Variants in ABCA7 observed in about 807,000 individuals in gnomAD.
ABCA7 encodes the protein ATP binding cassette subfamily A member 7.
A neutral mutation model predicts 227.6 loss-of-function variants in ABCA7; 261 were observed. The observed-to-expected ratio is 1.15, with a 90% CI of 1.04 to 1.27. The LOEUF is 1.27. Ranked by LOEUF, ABCA7 falls within the 50% of genes most tolerant of loss-of-function variation. ABCA7 has a pLI of 0.00. For missense variants in ABCA7, 3,331 were observed against 2,924.5 expected (o/e 1.14, Z -3.21); for synonymous variants, 1,488 against 1,279.7 (o/e 1.16, Z -3.47).
chr19:1,041,868 C>T lies in ABCA7; in HGVS notation c.198C>T (p.Thr66=), dbSNP rs756548806. 2.4e-5 allele frequency: 39 copies of T among 1,597,434 alleles called. No homozygotes were observed. The highest frequency in any genetic ancestry group is 3.1e-5 in the Non-Finnish European group (37 of 1,176,818). Residue 66 remains threonine (T), a synonymous_variant, in exon 4 of 47, where the codon ACC becomes ACT. Transcript: ENST00000263094. ...ACAAGCCACTGCCATCGGCGGGCAC[C>T]GTGCCCTGGCTCCAGGGTCTCATCT... ...FPNKPLPSAG[T]VPWLQGLICN...
At chr19:1,044,441 T>G (rs2066336726) in intron 10 of ABCA7, 136 bp from the exon 11 acceptor site, 1 of 1,007,754 alleles carries the variant, frequency 9.9e-7, no homozygotes. Context: ...AGAGATGGGC[T>G]TTCACCATGT....
rs758967350 is a variant in ABCA7, at chr19:1,055,338, C to T, written c.4192C>T (p.Leu1398=). Residue 1398 remains leucine (L), a synonymous_variant, in exon 30 of 47, where the codon CTG becomes TTG. Coordinates refer to ENST00000263094, the MANE Select transcript of ABCA7 (RefSeq NM_019112.4). ...SDFLVKTYPR[L]VRQGLKTKKW... The stretch of plus-strand genomic sequence containing the variant: ...CTTCCTGGTCAAGACCTACCCGCGC[C>T]TGGTGCGCCAGGGGTGAGCCATGCC... 4.4e-6 allele frequency: 7 copies of T among 1,589,292 alleles called. No individual in the cohort carries two copies. The highest frequency in any genetic ancestry group is 3.4e-5 in the Admixed American group (2 of 59,162).
intron 44 of ABCA7, 41 bp from the exon 45 acceptor site, chr19:1,064,120 G>A (rs1568430543): frequency 6.6e-7 from 1 of 1,512,024 alleles, no homozygotes; most frequent in Admixed American, 2.1e-5. Flanking sequence ...AGGCACAGGT[G>A]GCCCCGGCCT....
chr19:1,057,920 C>T lies in ABCA7; in HGVS notation c.4886C>T (p.Ser1629Leu), dbSNP rs184590335. 3.5e-4 allele frequency: 568 copies of T among 1,614,006 alleles called. 2 individuals carry two copies. In the Admixed American group the frequency reaches 8.5e-3, roughly 24 times the overall value. Reference protein sequence around the residue: ...LLLLLLLYGWSITPLMYPASF... With the variant: ...LLLLLLLYGWLITPLMYPASF... ...GACTCCTATTGTCCCTTCAGCTGGT[C>T]GATCACACCGCTCATGTACCCAGCC... The change falls in exon 36 of 47, where the codon TCG becomes TTG. Residue 1629 changes from serine to leucine, a missense_variant. Physicochemically the swap from Ser to Leu is moderately radical, Grantham distance 145 (BLOSUM62 -2). Coordinates refer to ENST00000263094, the MANE Select transcript of ABCA7 (RefSeq NM_019112.4).
rs746504529 is a variant in ABCA7, at chr19:1,051,521, C to G, written c.2897C>G (p.Pro966Arg). 2.5e-6 allele frequency: 4 copies of G among 1,612,570 alleles called. No homozygotes were observed. In the South Asian group the frequency reaches 4.4e-5, roughly 18 times the overall value. The change falls in exon 21 of 47, where the codon CCT (proline) becomes CGT (arginine). Residue 966 changes from proline to arginine, a missense_variant. Transcript: ENST00000263094. ...TCCCAAGTTGTTATCCTGGACGAGC[C>G]TACGGCTGGCGTGGATCCTGCTTCC... ...GGSQVVILDE[P>R]TAGVDPASRR... is the part of the protein sequence containing the mutation.
At chr19:1,051,423 T>C in intron 20 of ABCA7, 26 bp from the exon 21 acceptor site, 2 of 1,417,186 alleles carry the variant, frequency 1.4e-6, no homozygotes, top group Non-Finnish European at 9.5e-7. Context: ...TGTGACACAC[T>C]GAGGTCCCTT....
chr19:1,055,127 G>C lies in ABCA7; in HGVS notation c.3981G>C (p.Val1327=). The C allele has an allele frequency of 6.2e-7, 1 of 1,612,908 alleles. No homozygotes were observed. The highest frequency in any genetic ancestry group is 1.1e-5 in the South Asian group (1 of 91,076). ...CGGCACCAGAAGTTCCTGCTGAAGT[G>C]GCCAAGGTCTTGGCCAGTGGCAACT... The part of the protein sequence containing the change: ...RFSAPEVPAE[V]AKVLASGNWT... The change falls in exon 30 of 47, where the codon GTG becomes GTC. Residue 1327 remains valine, a synonymous_variant. Coordinates refer to ENST00000263094, the MANE Select transcript of ABCA7 (RefSeq NM_019112.4).
chr19:1,050,261 T>C (rs530111983), intron 18 of ABCA7, among the ~76,000 whole-genome samples: 3 of 151,348 alleles, frequency 2.0e-5, no homozygotes, highest in African/African-American at 7.3e-5. Flanking sequence ...ATACAAAAAT[T>C]AGCCGGGTGT....
In ABCA7 at chr19:1,041,931, G is replaced by C. The variant is rs140142327; in HGVS notation, c.261G>C (p.Pro87=). Residue 87 remains proline (P), a synonymous_variant, in exon 4 of 47, where the codon CCG becomes CCC. Transcript: ENST00000263094. ...VNNTCFPQLT[P]GEEPGRLSNF... ...ACACCTGCTTTCCGCAGCTGACACC[G>C]GGCGAGGAGCCCGGGCGCCTGAGCA... The C allele has an allele frequency of 6.3e-7, 1 of 1,596,678 alleles. No homozygotes were observed. Among genetic ancestry groups the C allele is most frequent in the African/African-American group, 1.3e-5 (1 of 74,522 alleles).
chr19:1,051,015 C>T lies in ABCA7; in HGVS notation c.2647C>T (p.Leu883=). ...CAGCATGGCCGCCATCCGGCCCCAC[C>T]TGGGCGTCTGTCCTCAGTACAACGT... is the stretch of plus-strand genomic sequence containing the variant. ...RSSMAAIRPH[L]GVCPQYNVLF... is the part of the protein sequence containing the mutation. The change falls in exon 19 of 47, where the codon CTG becomes TTG. Residue 883 remains leucine (L), a synonymous_variant. Transcript: ENST00000263094. The T allele has an allele frequency of 6.2e-7, 1 of 1,612,276 alleles. No homozygotes were observed. Among genetic ancestry groups the T allele is most frequent in the South Asian group, 1.1e-5 (1 of 91,016 alleles).
intron 12 of ABCA7, among the ~76,000 whole-genome samples, chr19:1,045,887 G>A (rs1407367076): frequency 1.3e-5 from 2 of 152,174 alleles, no homozygotes; most frequent in African/African-American, 2.4e-5. Context: ...CGCGCCTGTA[G>A]GCCCAGCTAC....
Position 1,051,139 on chromosome 19 carries a change from T to G in ABCA7, c.2685-16T>G. The G allele has an allele frequency of 1.5e-6, 2 of 1,310,586 alleles. No homozygotes were observed. The highest frequency in any genetic ancestry group is 2.1e-6 in the Non-Finnish European group (2 of 932,586). 81.2% of individuals were successfully genotyped at this position (1,310,586 alleles called of 1,614,324 possible). On this transcript the variant is annotated splice_polypyrimidine_tract_variant and intron_variant, in intron 19 of 46. Transcript: ENST00000263094. ...GCCTGCCATGTGGGTCACTCTGCTCTGTGCACTGGCCGCAGGCTGACCGTG... is the reference window on the plus strand; with the variant it reads ...GCCTGCCATGTGGGTCACTCTGCTCGGTGCACTGGCCGCAGGCTGACCGTG...
rs751307496 is a variant in ABCA7, at chr19:1,047,444, T to C, written c.2068-9T>C. The C allele has an allele frequency of 3.2e-6, 5 of 1,540,910 alleles. No homozygotes were observed. Among genetic ancestry groups the C allele is most frequent in the Non-Finnish European group, 4.4e-6 (5 of 1,146,064 alleles). The stretch of plus-strand genomic sequence containing the variant: ...TTCGGCCGCTCACTGACCGCCCGCT[T>C]TTCCGCAGAGCCTGCTGTCGCCCGT... On this transcript the variant is annotated splice_polypyrimidine_tract_variant and intron_variant, in intron 15 of 46. Coordinates refer to ENST00000263094, the MANE Select transcript of ABCA7 (RefSeq NM_019112.4).
intron 21 of ABCA7, 38 bp downstream of exon 21, chr19:1,051,624 G>C (rs765169225): frequency 6.3e-7 from 1 of 1,585,402 alleles, no homozygotes; most frequent in Non-Finnish European, 8.6e-7. Flanking sequence ...GCCAGAAAAG[G>C]CTTCTGACAA....
Position 1,053,439 on chromosome 19 carries a change from G to A in ABCA7, c.3331G>A (p.Gly1111Ser), listed in dbSNP as rs150012110. ...LVLPYTGAHDGSFATLFRELD... is the reference protein window; with the variant it reads ...LVLPYTGAHDSSFATLFRELD... ...GCTGCCCTACACGGGTGCCCATGAC[G>A]GCAGCTTCGCCACACTCTTCCGAGA... Residue 1111 changes from glycine (G) to serine (S), a missense_variant, in exon 24 of 47, where the codon GGC (glycine) becomes AGC (serine). Coordinates refer to ENST00000263094, the MANE Select transcript of ABCA7 (RefSeq NM_019112.4). 1.9e-4 allele frequency: 304 copies of A among 1,603,914 alleles called. 3 individuals are homozygous for A. The Middle Eastern group carries it at 2.6e-3, about 14-fold the overall frequency.
Position 1,052,208 on chromosome 19 carries a change from C to A in ABCA7, c.3148-6C>A. 1 of 1,590,700 alleles carries A rather than the reference C, an allele frequency of 6.3e-7. No homozygotes were observed. The highest frequency in any genetic ancestry group is 1.1e-5 in the South Asian group (1 of 88,540). On this transcript the variant is annotated splice_region_variant and splice_polypyrimidine_tract_variant and intron_variant, in intron 22 of 46. Coordinates refer to ENST00000263094, the MANE Select transcript of ABCA7 (RefSeq NM_019112.4). The stretch of plus-strand genomic sequence containing the variant: ...GCCAAGCCACTTGGTGCCTCTCTGC[C>A]CGCAGGCTGACACTGACATGGAGGG...
rs1568304972 is a variant in ABCA7, at chr19:1,049,442, GCCCCCAACCAC to G, written c.2552+6_2552+16del. 4 of 1,580,720 alleles carry G rather than the reference GCCCCCAACCAC, an allele frequency of 2.5e-6. No individual in the cohort carries two copies. In the East Asian group the frequency reaches 9.1e-5, roughly 36 times the overall value. Reference sequence around the variant, plus strand: ...GGCCGGCAAGACCACCACCCTGTGAGCCCCCAACCACTCCCTCCCCGTGAGCCCCCCCACTC... The same window carrying G: ...GGCCGGCAAGACCACCACCCTGTGAGTCCCTCCCCGTGAGCCCCCCCACTC... On this transcript the variant is annotated splice_donor_region_variant and intron_variant, in intron 18 of 46. Transcript: ENST00000263094.
chr19:1,051,527 C>T lies in ABCA7; in HGVS notation c.2903C>T (p.Ala968Val). The T allele has an allele frequency of 1.9e-6, 3 of 1,612,680 alleles. No homozygotes were observed. Among genetic ancestry groups the T allele is most frequent in the African/African-American group, 1.3e-5 (1 of 75,054 alleles). The change falls in exon 21 of 47, where the codon GCT (alanine) becomes GTT (valine). Residue 968 changes from alanine (A) to valine (V), a missense_variant. Ala to Val is a moderately conservative substitution (Grantham distance 64, BLOSUM62 0). Transcript: ENST00000263094. ...GTTGTTATCCTGGACGAGCCTACGG[C>T]TGGCGTGGATCCTGCTTCCCGCCGC... is the stretch of plus-strand genomic sequence containing the variant. The part of the protein sequence containing the change: ...SQVVILDEPT[A>V]GVDPASRRGI...
At chr19:1,044,103 AT>A (rs61549142) in intron 10 of ABCA7, among the ~76,000 whole-genome samples, 174 of 143,164 alleles carry the variant, frequency 1.2e-3, no homozygotes, top group Middle Eastern at 3.8e-3. Flanking sequence ...CGCCCGGATG[AT>A]TTTTTTTTTT....
Sources: gnomAD v4.1 joint callset for allele counts (sites outside exome capture counted in the v4.1 genomes callset) on GRCh38, gnomAD v4.1.1 for gene constraint, MANE v1.5 for transcripts, NCBI Gene and HGNC (gene_info 2026-07-23, HGNC 2026-07-21) for gene names.